The following ATP9A variants were observed in gnomAD, a reference collection of about 807,000 sequenced individuals.
The protein encoded by ATP9A is ATPase phospholipid transporting 9A.
Under a neutral mutation model 144.1 loss-of-function variants are expected in ATP9A, and 52 were observed. The ratio of observed to expected loss-of-function variants is 0.36; its 90% CI spans 0.29 to 0.45. The LOEUF is 0.45. ATP9A is among the 20% of genes least tolerant of loss of function. The pLI is 1.00. For missense variants in ATP9A, 947 were observed against 1,392.7 expected (o/e 0.68, Z 5.09); for synonymous variants, 582 against 557.4 (o/e 1.04, Z -0.62).
At chr20:51,746,875 G>A (rs548002895) in intron 1 of ATP9A, among the ~76,000 whole-genome samples, 21 of 152,088 alleles carry the variant, frequency 1.4e-4, no homozygotes, top group East Asian at 3.9e-4. Flanking sequence ...GTGTGGTGGC[G>A]CACGCCCGTA....
Position 51,693,995 on chromosome 20 carries a change from G to A in ATP9A, c.642+13C>T, listed in dbSNP as rs2077559604. 1 of 1,610,668 alleles carries A rather than the reference G, an allele frequency of 6.2e-7. No homozygotes were observed. ...GGTTGCCCGCATGGGCTTCTGCAGG[G>A]AAAGCTACTCACGGCGGCCGTGGGG... On this transcript the variant is annotated intron_variant, in intron 7 of 27. Transcript: ENST00000338821.
chr20:51,687,210 C>G (rs2077527037), intron 9 of ATP9A, among the ~76,000 whole-genome samples: 1 of 126,500 alleles, frequency 7.9e-6, no homozygotes, highest in South Asian at 2.3e-4. Flanking sequence ...CCAGGCGTGG[C>G]CCAGGCATGA....
intron 13 of ATP9A, among the ~76,000 whole-genome samples, chr20:51,658,805 C>A (rs1175574372): frequency 6.6e-6 from 1 of 150,386 alleles, no homozygotes; most frequent in African/African-American, 2.5e-5. Flanking sequence ...CAGGTGTGAG[C>A]CACCGTGCCC....
At chr20:51,758,544 C>CA (rs1182604492) in intron 1 of ATP9A, among the ~76,000 whole-genome samples, 2 of 152,176 alleles carry the variant, frequency 1.3e-5, no homozygotes, top group Non-Finnish European at 2.9e-5. Context: ...GCATGCAAGA[C>CA]AGAGGTCAAG....
chr20:51,686,845 G>C (rs538943964), intron 9 of ATP9A, among the ~76,000 whole-genome samples: 3 of 151,830 alleles, frequency 2.0e-5, no homozygotes, highest in African/African-American at 7.2e-5. Flanking sequence ...TGAGGCAGGA[G>C]AATCACGTGA....
chr20:51,708,158 G>A (rs16996199), intron 4 of ATP9A, among the ~76,000 whole-genome samples: 1,783 of 152,044 alleles, frequency 0.012, 40 homozygotes, highest in African/African-American at 0.041. Context: ...GATGTTGTTC[G>A]AGATACACCT....
chr20:51,637,878 C>T (rs1385053296), intron 15 of ATP9A, among the ~76,000 whole-genome samples: 1 of 150,742 alleles, frequency 6.6e-6, no homozygotes, highest in Non-Finnish European at 1.5e-5. Context: ...CCCCCTGACT[C>T]GCCAAAGTCC....
intron 1 of ATP9A, among the ~76,000 whole-genome samples, chr20:51,736,670 T>C (rs2077764293): frequency 6.6e-6 from 1 of 152,158 alleles, no homozygotes; most frequent in Non-Finnish European, 1.5e-5. Context: ...ATTGTAGTGA[T>C]AGCTACACAA....
intron 1 of ATP9A, among the ~76,000 whole-genome samples, chr20:51,746,025 C>T (rs1568845554): frequency 6.6e-6 from 1 of 152,140 alleles, no homozygotes; most frequent in Non-Finnish European, 1.5e-5. Context: ...GTGTCTTTTG[C>T]AGGACATGGA....
chr20:51,728,063 G>A (rs2077723376), intron 2 of ATP9A, among the ~76,000 whole-genome samples: 1 of 152,172 alleles, frequency 6.6e-6, no homozygotes, highest in Non-Finnish European at 1.5e-5. Flanking sequence ...GTCAGACTGA[G>A]ACCACATGAC....
In ATP9A at chr20:51,688,523, C is replaced by G. The variant is rs919907871; in HGVS notation, c.799+541G>C. ...ACAAGAATCGCTTGAACCCGGGGGG[C>G]GGAGGTTACAGTGAGCCAAGATTGT... is the stretch of plus-strand genomic sequence containing the variant. On this transcript the variant is annotated intron_variant, in intron 9 of 27. Transcript: ENST00000338821. 2.6e-5 allele frequency among the ~76,000 whole-genome samples: 4 copies of G among 151,626 alleles called. No individual in the cohort carries two copies. In the South Asian group the frequency reaches 6.2e-4, roughly 24 times the overall value.
chr20:51,637,738 A>G (rs1450248002), intron 15 of ATP9A, among the ~76,000 whole-genome samples: 1 of 150,456 alleles, frequency 6.6e-6, no homozygotes, highest in Admixed American at 6.6e-5. Flanking sequence ...TGGGGAACAC[A>G]TGGTGTTTGG....
At chr20:51,651,264 T>TATAATATATATTTAC (rs1212533268) in intron 14 of ATP9A, among the ~76,000 whole-genome samples, 2 of 100,202 alleles carry the variant, frequency 2.0e-5, no homozygotes, top group East Asian at 3.9e-4. Flanking sequence ...TAATATATTA[T>TATAATATATATTTAC]ATAATATATA....
At chr20:51,754,145 T>G (rs1441313051) in intron 1 of ATP9A, among the ~76,000 whole-genome samples, 1 of 152,040 alleles carries the variant, frequency 6.6e-6, no homozygotes, top group Non-Finnish European at 1.5e-5. Context: ...ACTTGACAAT[T>G]TAAGCTCAGT....
At chr20:51,617,124 TAG>T (rs1469363009) in intron 22 of ATP9A, among the ~76,000 whole-genome samples, 1 of 151,976 alleles carries the variant, frequency 6.6e-6, no homozygotes, top group African/African-American at 2.4e-5. Context: ...GTATTTTCAG[TAG>T]AGACAGGGTT....
chr20:51,620,997 A>G (rs1009926137), intron 19 of ATP9A, among the ~76,000 whole-genome samples: 3 of 151,900 alleles, frequency 2.0e-5, no homozygotes, highest in Non-Finnish European at 4.4e-5. Flanking sequence ...AAACACAAAA[A>G]TTAGCCAGGT....
At chr20:51,642,281 A>G (rs1246478221) in intron 14 of ATP9A, among the ~76,000 whole-genome samples, 2 of 151,886 alleles carry the variant, frequency 1.3e-5, no homozygotes, top group African/African-American at 4.8e-5. Context: ...CAGCCTCCCA[A>G]GTAGCTGGGA....
intron 9 of ATP9A, among the ~76,000 whole-genome samples, chr20:51,680,419 G>A (rs1402259686): frequency 6.6e-6 from 1 of 151,982 alleles, no homozygotes; most frequent in Non-Finnish European, 1.5e-5. Context: ...AGAGGTGGCT[G>A]TTCCTCAACC....
chr20:51,742,433 G>T (rs150869825), intron 1 of ATP9A, among the ~76,000 whole-genome samples: 2 of 152,046 alleles, frequency 1.3e-5, no homozygotes, highest in Non-Finnish European at 2.9e-5. Context: ...AAAGCAAAGT[G>T]TGTTACTCCA....
Sources: allele counts gnomAD v4.1 joint callset (sites outside exome capture counted in the v4.1 genomes callset), GRCh38; gene constraint gnomAD v4.1.1; transcripts MANE v1.5; gene names NCBI Gene and HGNC (gene_info 2026-07-23, HGNC 2026-07-21).